Variants in PTPRN2 observed in about 807,000 individuals in gnomAD.
PTPRN2 encodes the protein receptor-type tyrosine-protein phosphatase N2.
A neutral mutation model predicts 118.8 loss-of-function variants in PTPRN2; 74 were observed. The observed-to-expected ratio is 0.62, with a 90% CI of 0.52 to 0.76. The LOEUF (loss-of-function observed/expected upper bound fraction) is 0.76, where lower values mean the gene tolerates loss of function less well. Among genes scored for constraint, PTPRN2 ranks in the 30% least tolerant of loss-of-function variants. PTPRN2 has a pLI of 0.00. For synonymous variants in PTPRN2, 641 were observed against 608.0 expected (o/e 1.05, Z -0.80); for missense variants, 1,481 against 1,394.4 (o/e 1.06, Z -0.99).
chr7:158,549,078 T>A (rs1341122874), intron 1 of PTPRN2, among the ~76,000 whole-genome samples: 1 of 152,136 alleles, frequency 6.6e-6, no homozygotes, highest in Non-Finnish European at 1.5e-5. Flanking sequence ...ACTGAGAAGC[T>A]GGTTTTCCAC....
chr7:158,082,728 C>A (rs556606342), intron 10 of PTPRN2, among the ~76,000 whole-genome samples: 37 of 152,354 alleles, frequency 2.4e-4, no homozygotes, highest in African/African-American at 7.5e-4. Context: ...GAAAATGCAC[C>A]ATGTCCACCA....
chr7:158,541,774 G>C, intron 1 of PTPRN2: 1 of 983,414 alleles, frequency 1.0e-6, no homozygotes, highest in Non-Finnish European at 1.2e-6. Context: ...CGCATAAAAG[G>C]GGAAGTATCA....
At chr7:157,883,069 G>C (rs990727046) in intron 12 of PTPRN2, among the ~76,000 whole-genome samples, 1 of 144,778 alleles carries the variant, frequency 6.9e-6, no homozygotes, top group Non-Finnish European at 1.5e-5. Flanking sequence ...ACCTCAAAAT[G>C]ACTGTTGTTG....
intron 2 of PTPRN2, among the ~76,000 whole-genome samples, chr7:158,386,487 A>G (rs1050343863): frequency 6.6e-6 from 1 of 151,850 alleles, no homozygotes; most frequent in African/African-American, 2.4e-5. Flanking sequence ...CATTCATCCA[A>G]TTCCCCTCGG....
intron 11 of PTPRN2, among the ~76,000 whole-genome samples, chr7:157,982,972 G>A (rs13246365): frequency 1.3e-3 from 66 of 52,052 alleles, no homozygotes; most frequent in South Asian, 2.0e-3. Context: ...AATGCAGAGT[G>A]CAGGGTCCCC....
chr7:158,570,196 A>G lies in PTPRN2; in HGVS notation c.112+17362T>C, dbSNP rs1827928800. Among the ~76,000 whole-genome samples the G allele has an allele frequency of 6.6e-6, 1 of 152,114 alleles. No individual in the cohort carries two copies. Among genetic ancestry groups the G allele is most frequent in the African/African-American group, 2.4e-5 (1 of 41,426 alleles). On this transcript the variant is annotated intron_variant, in intron 1 of 22. Coordinates refer to ENST00000389418, the MANE Select transcript of PTPRN2 (RefSeq NM_002847.5). The surrounding 1 kb of genome is among the most constrained non-coding windows in gnomAD (Gnocchi z 4.5). ...AGCCAGGCGGGGAGCGCGCAGCCAC[A>G]GCCCGCGTTTCCGGGCTCCGTGTCC...
intron 11 of PTPRN2, among the ~76,000 whole-genome samples, chr7:158,007,322 G>T (rs1198215892): frequency 6.6e-6 from 1 of 152,242 alleles, no homozygotes; most frequent in African/African-American, 2.4e-5. Context: ...GGGCAGGAAG[G>T]GTAAGCAGGG....
chr7:157,966,488 C>CTTCATTATCACCATTA (rs1801939479), intron 11 of PTPRN2, among the ~76,000 whole-genome samples: 2 of 151,382 alleles, frequency 1.3e-5, no homozygotes, highest in African/African-American at 4.9e-5. Context: ...CATCACAATC[C>CTTCATTATCACCATTA]CCATTATCAC....
intron 12 of PTPRN2, among the ~76,000 whole-genome samples, chr7:157,844,029 C>A (rs1024524659): frequency 6.6e-6 from 1 of 152,090 alleles, no homozygotes; most frequent in Non-Finnish European, 1.5e-5. Context: ...GAGGAGGGGG[C>A]GGCGCAGGCC....
chr7:158,561,214 AT>A (rs1827360967), intron 1 of PTPRN2, among the ~76,000 whole-genome samples: 1 of 152,264 alleles, frequency 6.6e-6, no homozygotes, highest in Non-Finnish European at 1.5e-5. Context: ...ATTTCCAATG[AT>A]TCTAGAAGTA....
intron 2 of PTPRN2, among the ~76,000 whole-genome samples, chr7:158,329,447 A>G (rs1053786209): frequency 2.0e-5 from 3 of 152,154 alleles, no homozygotes; most frequent in Non-Finnish European, 2.9e-5. Flanking sequence ...TAGCAGGCGG[A>G]CGGCTGAGAG....
At chr7:158,267,696 T>C (rs568217787) in intron 3 of PTPRN2, among the ~76,000 whole-genome samples, 3 of 152,222 alleles carry the variant, frequency 2.0e-5, no homozygotes, top group Admixed American at 2.0e-4. Context: ...CTCTCACCTC[T>C]CTCATATCCT....
chr7:157,871,764 T>C (rs1176596499), intron 12 of PTPRN2, among the ~76,000 whole-genome samples: 1 of 149,576 alleles, frequency 6.7e-6, no homozygotes, highest in Non-Finnish European at 1.5e-5. Flanking sequence ...TATGCACACA[T>C]ACACACACAC....
chr7:157,936,672 G>A (rs1799724177), intron 11 of PTPRN2, among the ~76,000 whole-genome samples: 1 of 132,228 alleles, frequency 7.6e-6, no homozygotes, highest in East Asian at 2.0e-4. Context: ...TCTTCCACTC[G>A]GAAGCCAGGG....
chr7:157,729,430 C>T lies in PTPRN2; in HGVS notation c.1789-46493G>A, dbSNP rs545269912. On this transcript the variant is annotated intron_variant, in intron 12 of 22. Coordinates refer to ENST00000389418, the MANE Select transcript of PTPRN2 (RefSeq NM_002847.5). This position sits in a 1 kb window ranked among gnomAD's most constrained non-coding sequence, Gnocchi z 4.3. Reference sequence around the variant, plus strand: ...TGGACAGCTCCATCTTCAGCAGCTCCGTGCATAGGGACTCCTGGGAAGACT... The same window carrying T: ...TGGACAGCTCCATCTTCAGCAGCTCTGTGCATAGGGACTCCTGGGAAGACT... Among the ~76,000 whole-genome samples, 15 of 152,182 alleles carry T rather than the reference C, an allele frequency of 9.9e-5. No homozygotes were observed. The highest frequency in any genetic ancestry group is 3.4e-4 in the African/African-American group (14 of 41,516).
At chr7:158,163,452 G>T (rs1475391809) in intron 6 of PTPRN2, among the ~76,000 whole-genome samples, 5 of 151,508 alleles carry the variant, frequency 3.3e-5, no homozygotes, top group Non-Finnish European at 1.5e-5. Context: ...CCTGTACCGG[G>T]TTCTCAATAT....
intron 12 of PTPRN2, among the ~76,000 whole-genome samples, chr7:157,701,825 C>T (rs967364240): frequency 6.6e-5 from 10 of 150,958 alleles, no homozygotes; most frequent in African/African-American, 2.4e-4. Flanking sequence ...CTGACGCGGG[C>T]TGTGCATTTA....
chr7:157,893,759 G>A lies in PTPRN2; in HGVS notation c.1788+4914C>T, dbSNP rs1021909666. Among the ~76,000 whole-genome samples, 2 of 152,134 alleles carry A rather than the reference G, an allele frequency of 1.3e-5. No homozygotes were observed. Among genetic ancestry groups the A allele is most frequent in the Non-Finnish European group, 2.9e-5 (2 of 68,028 alleles). ...GAGACGTAGGCTTGGGATCATCATCGAACAGATAACATAAAAAGCCAGGGC... is the reference window on the plus strand; with the variant it reads ...GAGACGTAGGCTTGGGATCATCATCAAACAGATAACATAAAAAGCCAGGGC... On this transcript the variant is annotated intron_variant, in intron 12 of 22. Coordinates refer to ENST00000389418, the MANE Select transcript of PTPRN2 (RefSeq NM_002847.5). This position sits in a 1 kb window ranked among gnomAD's most constrained non-coding sequence, Gnocchi z 4.0.
chr7:158,083,217 C>G (rs1812974947), intron 10 of PTPRN2, among the ~76,000 whole-genome samples: 1 of 152,166 alleles, frequency 6.6e-6, no homozygotes, highest in Non-Finnish European at 1.5e-5. Context: ...TTGAAGCATG[C>G]ATGATGATTT....
Sources: allele counts gnomAD v4.1 joint callset (sites outside exome capture counted in the v4.1 genomes callset), GRCh38; gene constraint gnomAD v4.1.1; non-coding constraint Gnocchi (gnomAD v3.1); transcripts MANE v1.5; gene names NCBI Gene and HGNC (gene_info 2026-07-23, HGNC 2026-07-21).